The following SEC61A1 variants were observed in gnomAD, a reference collection of about 807,000 sequenced individuals.
The protein encoded by SEC61A1 is SEC61 translocon subunit alpha 1.
In SEC61A1, 15 loss-of-function variants were observed where a neutral mutation model predicts 55.2. The observed-to-expected ratio is 0.27, with a 90% confidence interval of 0.18 to 0.42. SEC61A1 has a LOEUF of 0.42. Ranked by LOEUF, SEC61A1 falls within the 10% of genes least tolerant of loss-of-function variation. SEC61A1 has a pLI of 1.00. For synonymous variants in SEC61A1, 247 were observed against 234.0 expected, an observed-to-expected ratio of 1.06 and a Z score of -0.51; for missense variants, 284 against 602.6, an observed-to-expected ratio of 0.47 and a Z score of 5.53.
In SEC61A1 at chr3:128,059,172, C is replaced by T. The variant is rs1941818556; in HGVS notation, c.353-930C>T. On this transcript the variant is annotated intron_variant, in intron 5 of 11. Coordinates refer to ENST00000243253, the MANE Select transcript of SEC61A1 (RefSeq NM_013336.4). ...TAGAGTGAGTTGTAAGAAATGAAGA[C>T]ACCCTACAAAAAGGAAAGCTTTTGC... Among the ~76,000 whole-genome samples the T allele has an allele frequency of 2.0e-5, 3 of 152,002 alleles. 1 individual carries two copies. The South Asian group carries it at 6.2e-4, about 32-fold the overall frequency.
intron 5 of SEC61A1, among the ~76,000 whole-genome samples, chr3:128,058,201 A>ATTTTTTTTTTTTTTT (rs57508280): frequency 5.0e-5 from 4 of 79,358 alleles, no homozygotes; most frequent in Non-Finnish European, 9.0e-5. Context: ...AAATACGTCT[A>ATTTTTTTTTTTTTTT]TTTTTTTTTT....
chr3:128,070,276 G>GT lies in SEC61A1; in HGVS notation c.*614_*615insT. 1 of 152,318 alleles carries GT rather than the reference G, an allele frequency of 6.6e-6. No homozygotes were observed. The highest frequency in any genetic ancestry group is 1.5e-5 in the Non-Finnish European group (1 of 68,070). The allele number at this position is 152,318 out of a possible 1,614,324, so 9.4% of individuals were successfully genotyped here. ...GATGGCTTTCCCAGAAGACACTCCT[G>GT]GCCATCTGTGGATTTGTCTGTGCAC... is the stretch of plus-strand genomic sequence containing the variant. On this transcript the variant is annotated 3_prime_UTR_variant, in exon 12 of 12. Coordinates refer to ENST00000243253, the MANE Select transcript of SEC61A1 (RefSeq NM_013336.4).
At chr3:128,052,408 G>C (rs1010096199), upstream of SEC61A1, 2 of 1,229,302 alleles carry the variant, frequency 1.6e-6, no homozygotes, top group Non-Finnish European at 1.0e-6. Context: ...CCCGCGCCGC[G>C]CCGCGCCGCT....
chr3:128,059,701 G>T (rs575241735), intron 5 of SEC61A1, among the ~76,000 whole-genome samples: 1 of 152,040 alleles, frequency 6.6e-6, no homozygotes, highest in East Asian at 1.9e-4. Flanking sequence ...TTGAGCCATC[G>T]AGACCCCAAG....
chr3:128,066,823 G>A, intron 8 of SEC61A1, 131 bp from the exon 9 acceptor site: 1 of 789,204 alleles, frequency 1.3e-6, no homozygotes, highest in Admixed American at 2.5e-5. Flanking sequence ...TCTCGGAACT[G>A]GGAGCCCCAG....
In SEC61A1 at chr3:128,060,122, A is replaced by C. The variant is rs552317837; in HGVS notation, c.373A>C (p.Ile125Leu). The C allele has an allele frequency of 1.2e-6, 2 of 1,613,768 alleles. No homozygotes were observed. The highest frequency in any genetic ancestry group is 2.2e-5 in the East Asian group (1 of 44,886). ...TCTAGTATTTGGCATGATCATTACTATCGGCCAGTCTATCGTGTATGTGAT... is the reference window on the plus strand; with the variant it reads ...TCTAGTATTTGGCATGATCATTACTCTCGGCCAGTCTATCGTGTATGTGAT... ...AQKLFGMIITIGQSIVYVMTG... is the reference protein window; with the variant it reads ...AQKLFGMIITLGQSIVYVMTG... The change falls in exon 6 of 12, where the codon ATC (isoleucine) becomes CTC (leucine). Residue 125 changes from isoleucine to leucine, a missense_variant. Coordinates refer to ENST00000243253, the MANE Select transcript of SEC61A1 (RefSeq NM_013336.4).
chr3:128,055,726 G>C lies in SEC61A1; in HGVS notation c.195G>C (p.Met65Ile). The C allele has an allele frequency of 6.2e-7, 1 of 1,614,126 alleles. No individual in the cohort carries two copies. Among genetic ancestry groups the C allele is most frequent in the Non-Finnish European group, 8.5e-7 (1 of 1,179,948 alleles). The part of the protein sequence containing the change: ...SSDSADPFYW[M>I]RVILASNRGT... ...ATTCAGCTGACCCTTTCTATTGGAT[G>C]AGAGTGATTCTAGCCTCTAACAGAG... Residue 65 changes from methionine (M) to isoleucine (I), a missense_variant, in exon 4 of 12, where the codon ATG (methionine) becomes ATC (isoleucine). Coordinates refer to ENST00000243253, the MANE Select transcript of SEC61A1 (RefSeq NM_013336.4).
At chr3:128,065,963 C>T (rs1941965678) in intron 8 of SEC61A1, among the ~76,000 whole-genome samples, 2 of 151,740 alleles carry the variant, frequency 1.3e-5, no homozygotes, top group Non-Finnish European at 2.9e-5. Flanking sequence ...AGGATGGTCT[C>T]GATCTCCTGA....
chr3:128,051,780 C>A (rs942683252), upstream of SEC61A1: 2 of 1,523,936 alleles, frequency 1.3e-6, no homozygotes, highest in Admixed American at 2.0e-5. Flanking sequence ...AGACTACTTC[C>A]CGAGCTGCCC....
chr3:128,053,010 T>C (rs1235832424), intron 2 of SEC61A1, 108 bp downstream of exon 2: 1 of 766,212 alleles, frequency 1.3e-6, no homozygotes, highest in Admixed American at 2.7e-5. Context: ...AAACTCTCCC[T>C]TCTCTTCCCT....
intron 8 of SEC61A1, among the ~76,000 whole-genome samples, chr3:128,066,455 T>G (rs1394154732): frequency 6.6e-6 from 1 of 152,136 alleles, no homozygotes; most frequent in Non-Finnish European, 1.5e-5. Context: ...CAGGGTCTCG[T>G]TGTGTTGCTT....
rs1322962423 is a variant in SEC61A1 at position 128,071,149 on chromosome 3, C to G, written c.*1487C>G. 1 of 152,386 alleles carries G rather than the reference C, an allele frequency of 6.6e-6. No individual in the cohort carries two copies. The highest frequency in any genetic ancestry group is 1.5e-5 in the Non-Finnish European group (1 of 68,196). The allele number at this position is 152,386 out of a possible 1,614,324, so 9.4% of individuals were successfully genotyped here. ...TGGAGACCTTGCTGGCAGTGCTAGC[C>G]AGGAAACAGAGTGACCAAGGGACAA... On this transcript the variant is annotated 3_prime_UTR_variant, in exon 12 of 12. Transcript: ENST00000243253.
chr3:128,066,935 G>A lies in SEC61A1; in HGVS notation c.778-19G>A. ...GAAATGAGGCAGTGAAGGGGATTTG[G>A]TTCTGTTTGGCTTCTCAGGGCTTCC... On this transcript the variant is annotated intron_variant, in intron 8 of 11. Transcript: ENST00000243253. 6.2e-7 allele frequency: 1 copy of A among 1,613,924 alleles called. No homozygotes were observed.
chr3:128,051,789 C>CCTTCT, upstream of SEC61A1: 2 of 1,531,186 alleles, frequency 1.3e-6, no homozygotes, highest in Admixed American at 3.9e-5. Flanking sequence ...CCCGAGCTGC[C>CCTTCT]CCGGCCCTTC....
At chr3:128,058,570 A>G (rs1014616016) in intron 5 of SEC61A1, among the ~76,000 whole-genome samples, 1 of 152,182 alleles carries the variant, frequency 6.6e-6, no homozygotes, top group Non-Finnish European at 1.5e-5. Context: ...ATTCTAAAAT[A>G]CACACATGTG....
chr3:128,064,740 G>C, intron 7 of SEC61A1, 137 bp from the exon 8 acceptor site: 1 of 660,482 alleles, frequency 1.5e-6, no homozygotes, highest in Non-Finnish European at 2.6e-6. Flanking sequence ...AATACATGCT[G>C]TATCCCTGTG....
At chr3:128,058,201 A>ATTTTTTTTTTTTTTTTTTTTTTTTT (rs57508280) in intron 5 of SEC61A1, among the ~76,000 whole-genome samples, 1 of 79,358 alleles carries the variant, frequency 1.3e-5, no homozygotes. Context: ...AAATACGTCT[A>ATTTTTTTTTTTTTTTTTTTTTTTTT]TTTTTTTTTT....
In SEC61A1 at chr3:128,071,144, C is replaced by T. The variant is rs1942156581; in HGVS notation, c.*1482C>T. ...CACTCTGGAGACCTTGCTGGCAGTG[C>T]TAGCCAGGAAACAGAGTGACCAAGG... On this transcript the variant is annotated 3_prime_UTR_variant, in exon 12 of 12. Transcript: ENST00000243253. The T allele has an allele frequency of 6.6e-6, 1 of 152,378 alleles. No individual in the cohort carries two copies. Among genetic ancestry groups the T allele is most frequent in the African/African-American group, 2.4e-5 (1 of 41,464 alleles). 9.4% of individuals were successfully genotyped at this position (152,378 alleles called of 1,614,324 possible).
At chr3:128,052,403 G>T (rs1225928673), upstream of SEC61A1, 1 of 1,207,762 alleles carries the variant, frequency 8.3e-7, no homozygotes, top group Non-Finnish European at 1.0e-6. Flanking sequence ...CCCGCCCCGC[G>T]CCGCGCCGCG....
Sources: allele counts gnomAD v4.1 joint callset (sites outside exome capture counted in the v4.1 genomes callset), GRCh38; gene constraint gnomAD v4.1.1; transcripts MANE v1.5; gene names NCBI Gene and HGNC (gene_info 2026-07-23, HGNC 2026-07-21).